The following WWOX variants were observed in gnomAD, a reference collection of about 807,000 sequenced individuals.
The protein encoded by WWOX is WW domain-containing oxidoreductase.
In WWOX, 69 loss-of-function variants were observed where a neutral mutation model predicts 46.2. The observed-to-expected ratio is 1.49, with a 90% confidence interval of 1.23 to 1.82. The LOEUF (loss-of-function observed/expected upper bound fraction) is 1.82, where lower values mean the gene tolerates loss of function less well. WWOX is among the 40% of genes most tolerant of loss of function. The pLI, the probability that WWOX is intolerant of heterozygous loss-of-function variation, is 0.00. For missense variants in WWOX, 919 were observed against 542.6 expected (o/e 1.69, Z -6.89); for synonymous variants, 359 against 202.6 (o/e 1.77, Z -6.56).
At chr16:78,847,812 C>T (rs1201247027) in intron 8 of WWOX, among the ~76,000 whole-genome samples, 1 of 152,118 alleles carries the variant, frequency 6.6e-6, no homozygotes, top group African/African-American at 2.4e-5. Context: ...CAGTATTTCC[C>T]TCACCGCATC....
At position 78,246,089 on chromosome 16, in the gene WWOX, G is replaced by A. The variant is rs184819715; in HGVS notation, c.516+81800G>A. Among the ~76,000 whole-genome samples, 12 of 152,132 alleles carry A rather than the reference G, an allele frequency of 7.9e-5. No individual in the cohort carries two copies. In the East Asian group the frequency reaches 1.7e-3, roughly 22 times the overall value. On this transcript the variant is annotated intron_variant, in intron 5 of 8. Transcript: ENST00000566780. ...CTCATTCTTTTTTGCAGATCATCCC[G>A]CTCCCCACCCCTTTCTTTATCATGG...
chr16:78,320,626 C>T (rs1435268466), intron 5 of WWOX, among the ~76,000 whole-genome samples: 1 of 152,232 alleles, frequency 6.6e-6, no homozygotes, highest in Non-Finnish European at 1.5e-5. Flanking sequence ...CAACCAAAGA[C>T]AGCAGGCTGC....
At chr16:78,451,922 G>A (rs757469965) in intron 8 of WWOX, among the ~76,000 whole-genome samples, 5 of 152,110 alleles carry the variant, frequency 3.3e-5, no homozygotes, top group Non-Finnish European at 7.3e-5. Context: ...AAATTATAAC[G>A]TAATGTATTG....
At chr16:79,209,284 A>C (rs75207977) in intron 8 of WWOX, among the ~76,000 whole-genome samples, 362 of 152,350 alleles carry the variant, frequency 2.4e-3, no homozygotes, top group African/African-American at 7.7e-3. Context: ...TTCTGAATCA[A>C]TGGGACTGCA....
At chr16:79,023,948 C>T (rs2047585970) in intron 8 of WWOX, among the ~76,000 whole-genome samples, 1 of 113,116 alleles carries the variant, frequency 8.8e-6, no homozygotes, top group African/African-American at 3.9e-5. Flanking sequence ...AGCAAGACTC[C>T]ATCTCAAAAA....
chr16:78,915,664 G>A (rs1223606866), intron 8 of WWOX, among the ~76,000 whole-genome samples: 1 of 148,884 alleles, frequency 6.7e-6, no homozygotes, highest in African/African-American at 2.5e-5. Flanking sequence ...TACCGTTTGG[G>A]GAAAGTGCTT....
At chr16:78,517,844 T>G in intron 8 of WWOX, among the ~76,000 whole-genome samples, 1 of 147,378 alleles carries the variant, frequency 6.8e-6, no homozygotes, top group South Asian at 2.2e-4. Flanking sequence ...AAGAATGATG[T>G]TACACAACCT....
At chr16:79,084,260 C>T (rs1392390628) in intron 8 of WWOX, among the ~76,000 whole-genome samples, 2 of 152,114 alleles carry the variant, frequency 1.3e-5, no homozygotes, top group African/African-American at 2.4e-5. Context: ...AGGACACTGA[C>T]TGTGCTAGAG....
At chr16:79,168,673 G>A (rs949214127) in intron 8 of WWOX, among the ~76,000 whole-genome samples, 1 of 152,118 alleles carries the variant, frequency 6.6e-6, no homozygotes. Context: ...TCACCTCTAG[G>A]CTCTTACCTG....
intron 8 of WWOX, among the ~76,000 whole-genome samples, chr16:78,442,960 A>G (rs1304508149): frequency 6.6e-6 from 1 of 151,854 alleles, no homozygotes; most frequent in Non-Finnish European, 1.5e-5. Flanking sequence ...GTCTCTACCA[A>G]AAATACAAAA....
At chr16:78,533,652 G>C (rs1024480129) in intron 8 of WWOX, among the ~76,000 whole-genome samples, 1 of 152,144 alleles carries the variant, frequency 6.6e-6, no homozygotes, top group African/African-American at 2.4e-5. Flanking sequence ...TGATTATTTT[G>C]CTCTTTGAAA....
intron 4 of WWOX, among the ~76,000 whole-genome samples, chr16:78,140,149 A>C (rs898755540): frequency 6.6e-6 from 1 of 152,140 alleles, no homozygotes; most frequent in Non-Finnish European, 1.5e-5. Context: ...TGAAAACTGC[A>C]TGGTGAGCGT....
At chr16:78,438,043 G>A (rs184510912) in intron 8 of WWOX, among the ~76,000 whole-genome samples, 26 of 152,172 alleles carry the variant, frequency 1.7e-4, no homozygotes, top group African/African-American at 4.3e-4. Flanking sequence ...GATTTTCAAG[G>A]CTAATCTTGG....
chr16:78,703,460 T>TTTTTA (rs887609801), intron 8 of WWOX, among the ~76,000 whole-genome samples: 24 of 151,894 alleles, frequency 1.6e-4, no homozygotes, highest in Non-Finnish European at 2.5e-4. Flanking sequence ...CACATTTTTT[T>TTTTTA]TTTTAATTAG....
chr16:78,998,136 C>T (rs943443146), intron 8 of WWOX, among the ~76,000 whole-genome samples: 2 of 152,186 alleles, frequency 1.3e-5, no homozygotes, highest in East Asian at 3.9e-4. Flanking sequence ...CTCGGCCTCC[C>T]AAAGTGCTGG....
At chr16:78,396,405 T>A (rs1356995202) in intron 6 of WWOX, among the ~76,000 whole-genome samples, 1 of 152,150 alleles carries the variant, frequency 6.6e-6, no homozygotes, top group Admixed American at 6.5e-5. Flanking sequence ...GTTCACAAAA[T>A]AAACATTTTT....
At chr16:78,849,311 C>T (rs1293469311) in intron 8 of WWOX, among the ~76,000 whole-genome samples, 2 of 152,124 alleles carry the variant, frequency 1.3e-5, no homozygotes, top group Non-Finnish European at 2.9e-5. Flanking sequence ...TGGCTCATGC[C>T]TGTAATCCCA....
chr16:78,754,402 C>T (rs939596563), intron 8 of WWOX, among the ~76,000 whole-genome samples: 2 of 152,116 alleles, frequency 1.3e-5, no homozygotes, highest in African/African-American at 2.4e-5. Flanking sequence ...ATGACTAGGT[C>T]ATTATGAATT....
intron 5 of WWOX, among the ~76,000 whole-genome samples, chr16:78,210,880 C>G (rs1029125822): frequency 2.0e-5 from 3 of 152,166 alleles, no homozygotes; most frequent in Non-Finnish European, 4.4e-5. Context: ...TGTAGTTAAT[C>G]TATCCTACTA....
Sources: allele counts gnomAD v4.1 joint callset (sites outside exome capture counted in the v4.1 genomes callset), GRCh38; gene constraint gnomAD v4.1.1; transcripts MANE v1.5; gene names NCBI Gene and HGNC (gene_info 2026-07-23, HGNC 2026-07-21).